The following PRKAG1 variants were observed in gnomAD, a reference collection of about 807,000 sequenced individuals.
PRKAG1 encodes 5'-AMP-activated protein kinase subunit gamma-1.
PRKAG1 carries 27 observed loss-of-function variants against 48.2 expected under a neutral mutation model. The ratio of observed to expected loss-of-function variants is 0.56; its 90% CI spans 0.41 to 0.77. The LOEUF is 0.77. PRKAG1 is among the 30% of genes least tolerant of loss of function. PRKAG1 has a pLI of 0.00. For synonymous variants in PRKAG1, 130 were observed against 147.7 expected (o/e 0.88, Z 0.87); for missense variants, 287 against 398.3 (o/e 0.72, Z 2.38).
chr12:49,010,467 C>T (rs891479630), intron 2 of PRKAG1, among the ~76,000 whole-genome samples: 3 of 152,180 alleles, frequency 2.0e-5, no homozygotes, highest in Non-Finnish European at 4.4e-5. Context: ...GGCTCAGCAT[C>T]GAGTATAGTT....
chr12:49,004,829 G>C (rs982715979), intron 7 of PRKAG1, 135 bp downstream of exon 7: 192 of 912,866 alleles, frequency 2.1e-4, no homozygotes, highest in Non-Finnish European at 3.1e-4. Flanking sequence ...GTGTGTGTGT[G>C]TGTGTGTGTG....
chr12:49,012,060 T>G (rs1565738765), intron 2 of PRKAG1, among the ~76,000 whole-genome samples: 1 of 152,222 alleles, frequency 6.6e-6, no homozygotes, highest in Non-Finnish European at 1.5e-5. Context: ...TTTCACGATG[T>G]TGGCCAGGCT....
chr12:49,013,031 A>G, intron 2 of PRKAG1, 31 bp downstream of exon 2: 1 of 1,585,868 alleles, frequency 6.3e-7, no homozygotes, highest in Non-Finnish European at 8.7e-7. Context: ...TATTGTTTTC[A>G]TGCCCAGTTT....
rs144024522 is a variant in PRKAG1, at chr12:49,004,796, TGAGAGA to T, written c.410+162_411-164del. The T allele has an allele frequency of 6.2e-6, 7 of 1,121,790 alleles. No homozygotes were observed. The East Asian group carries it at 1.1e-4, about 17-fold the overall frequency. 69.5% of individuals were successfully genotyped at this position (1,121,790 alleles called of 1,614,324 possible). On this transcript the variant is annotated intron_variant, in intron 7 of 11. Coordinates refer to ENST00000548065, the MANE Select transcript of PRKAG1 (RefSeq NM_002733.5). ...AAGAGAGAGAGAGAGAGAGTGAGAA[TGAGAGA>T]GAGAGAGAGACTGTGTGTGTGTGTG...
chr12:49,004,703 T>A, intron 7 of PRKAG1, 70 bp from the exon 8 acceptor site: 2 of 1,600,248 alleles, frequency 1.2e-6, no homozygotes, highest in Admixed American at 3.4e-5. Context: ...GTCCATACAG[T>A]GTATTGCTCA....
chr12:49,017,207 T>A (rs769127369), intron 1 of PRKAG1: 10 of 455,764 alleles, frequency 2.2e-5, no homozygotes, highest in Admixed American at 1.4e-4. Flanking sequence ...TTCTTTCTTT[T>A]CTTTTTTTTT....
chr12:49,013,033 G>C (rs1193878827), intron 2 of PRKAG1, 29 bp downstream of exon 2: 1 of 1,588,832 alleles, frequency 6.3e-7, no homozygotes, highest in African/African-American at 1.3e-5. Flanking sequence ...TTGTTTTCAT[G>C]CCCAGTTTCC....
Position 49,005,255 on chromosome 12 carries a change from G to A in PRKAG1, c.309+51C>T. ...CTTGGAGAAAAAGAAATGAGAATGA[G>A]GGATTTAGGGCAGGGAAAGTGATTT... On this transcript the variant is annotated intron_variant, in intron 5 of 11. Transcript: ENST00000548065. The surrounding 1 kb of genome is among the most constrained non-coding windows in gnomAD (Gnocchi z 4.1). 5 of 1,612,842 alleles carry A rather than the reference G, an allele frequency of 3.1e-6. No homozygotes were observed. In the South Asian group the frequency reaches 4.4e-5, roughly 14 times the overall value.
chr12:49,011,983 G>A (rs956760691), intron 2 of PRKAG1, among the ~76,000 whole-genome samples: 2 of 151,932 alleles, frequency 1.3e-5, no homozygotes, highest in Non-Finnish European at 1.5e-5. Flanking sequence ...TCAGCCTCCC[G>A]AGTAGCTGGG....
intron 1 of PRKAG1, 22 bp downstream of exon 1, chr12:49,018,710 A>C (rs1364315293): frequency 1.9e-6 from 3 of 1,613,200 alleles, no homozygotes; most frequent in Non-Finnish European, 1.7e-6. Context: ...AGCGCCCCCG[A>C]CCGCCCTCCT....
chr12:49,007,679 T>C (rs1319417169), intron 2 of PRKAG1, among the ~76,000 whole-genome samples: 1 of 152,116 alleles, frequency 6.6e-6, no homozygotes, highest in Non-Finnish European at 1.5e-5. Context: ...AATAACATGC[T>C]TGTATTGCTA....
At chr12:49,011,829 T>A (rs1157623889) in intron 2 of PRKAG1, among the ~76,000 whole-genome samples, 1 of 151,500 alleles carries the variant, frequency 6.6e-6, no homozygotes, top group Non-Finnish European at 1.5e-5. Flanking sequence ...CCCAATGTGG[T>A]GGGATTACAG....
intron 1 of PRKAG1, among the ~76,000 whole-genome samples, chr12:49,016,446 C>A (rs956068178): frequency 6.6e-6 from 1 of 152,254 alleles, no homozygotes; most frequent in East Asian, 1.9e-4. Flanking sequence ...AACATTTGTC[C>A]CTCCAATCCT....
At chr12:49,004,937 T>C in intron 7 of PRKAG1, 27 bp downstream of exon 7, 1 of 1,611,632 alleles carries the variant, frequency 6.2e-7, no homozygotes, top group East Asian at 2.2e-5. Context: ...CTTCCGCTTT[T>C]TGGACAGATG....
intron 1 of PRKAG1, 132 bp downstream of exon 1, chr12:49,018,600 G>A (rs1056658019): frequency 1.9e-6 from 3 of 1,567,466 alleles, no homozygotes; most frequent in South Asian, 1.2e-5. Flanking sequence ...TCACGGGATA[G>A]GGCAGACACC....
At chr12:49,016,291 G>T (rs922666006) in intron 1 of PRKAG1, among the ~76,000 whole-genome samples, 11 of 152,124 alleles carry the variant, frequency 7.2e-5, no homozygotes, top group African/African-American at 2.7e-4. Flanking sequence ...ACTGTACCAC[G>T]CAAGTACAAA....
intron 1 of PRKAG1, among the ~76,000 whole-genome samples, chr12:49,015,602 T>C (rs1941935737): frequency 6.6e-6 from 1 of 152,064 alleles, no homozygotes; most frequent in African/African-American, 2.4e-5. Flanking sequence ...GGGCAGAGTC[T>C]CGCTGTGTCT....
In PRKAG1 at chr12:49,005,596, T is replaced by TA; in HGVS notation, c.169-54dup. 5 of 1,613,674 alleles carry TA rather than the reference T, an allele frequency of 3.1e-6. No homozygotes were observed. In the East Asian group the frequency reaches 6.7e-5, roughly 22 times the overall value. On this transcript the variant is annotated intron_variant, in intron 3 of 11. Transcript: ENST00000548065. The surrounding 1 kb of genome is among the most constrained non-coding windows in gnomAD (Gnocchi z 4.1). ...AGGCAAATCCACAGGGGCAGGACTG[T>TA]AAAAAAAGAACAGTGTTTGGGCATG... is the stretch of plus-strand genomic sequence containing the variant.
chr12:49,005,242 G>T lies in PRKAG1; in HGVS notation c.309+64C>A, dbSNP rs1420809472. On this transcript the variant is annotated intron_variant, in intron 5 of 11. Transcript: ENST00000548065. The surrounding 1 kb of genome is among the most constrained non-coding windows in gnomAD (Gnocchi z 4.1). ...CCCTCGTGGCTTGCTTGGAGAAAAA[G>T]AAATGAGAATGAGGGATTTAGGGCA... 4.3e-6 allele frequency: 7 copies of T among 1,612,920 alleles called. No individual in the cohort carries two copies. The highest frequency in any genetic ancestry group is 5.1e-6 in the Non-Finnish European group (6 of 1,179,062).
Sources: gnomAD v4.1 joint callset for allele counts (sites outside exome capture counted in the v4.1 genomes callset) on GRCh38, gnomAD v4.1.1 for gene constraint, Gnocchi (gnomAD v3.1) non-coding constraint, MANE v1.5 for transcripts, NCBI Gene and HGNC (gene_info 2026-07-23, HGNC 2026-07-21) for gene names.